Variants in DBT observed in about 807,000 individuals in gnomAD.
DBT encodes the protein dihydrolipoamide branched chain transacylase E2.
DBT carries 40 observed loss-of-function variants against 51.3 expected under a neutral mutation model. That is an observed-to-expected ratio of 0.78 (90% CI 0.61 to 1.02). The LOEUF is 1.02. DBT is among the 50% of genes least tolerant of loss of function. The pLI is 0.00. For synonymous variants in DBT, 181 were observed against 190.4 expected (o/e 0.95, Z 0.41); for missense variants, 510 against 580.2 (o/e 0.88, Z 1.24).
chr1:100,218,737 T>A lies in DBT; in HGVS notation c.444A>T (p.Glu148Asp), dbSNP rs1434863872. ...ACACTGCAGGAGTTTCAACAACATC[T>A]TCTTCTGAATCTGGTAACAAGGTAA... ...IETEALKDSE[E>D]DVVETPAVSH... The change falls in exon 5 of 11, where the codon GAA becomes GAT. Residue 148 changes from glutamate (E) to aspartate (D), a missense_variant. By Grantham distance (45) the Glu-to-Asp change is conservative. Transcript: ENST00000370132. The A allele has an allele frequency of 1.9e-6, 3 of 1,613,806 alleles. No individual in the cohort carries two copies. Among genetic ancestry groups the A allele is most frequent in the African/African-American group, 2.7e-5 (2 of 74,918 alleles).
At chr1:100,206,733 A>C (rs1661814740) in intron 8 of DBT, 97 bp from the exon 9 acceptor site, 6 of 775,376 alleles carry the variant, frequency 7.7e-6, no homozygotes, top group Non-Finnish European at 1.4e-5. Flanking sequence ...CACTACCAAA[A>C]CTCATTTTTA....
intron 1 of DBT, among the ~76,000 whole-genome samples, chr1:100,247,717 A>AAC (rs1553233676): frequency 6.8e-6 from 1 of 146,156 alleles, no homozygotes. Flanking sequence ...AAAAAAAAAA[A>AAC]TTAAGAGAAA....
chr1:100,203,817 A>G (rs1661592871), intron 10 of DBT, among the ~76,000 whole-genome samples: 2 of 152,232 alleles, frequency 1.3e-5, no homozygotes, highest in Non-Finnish European at 1.5e-5. Flanking sequence ...CAATAAACAT[A>G]ATCCATCACA....
At chr1:100,204,760 T>C (rs575751958) in intron 10 of DBT, among the ~76,000 whole-genome samples, 2 of 152,138 alleles carry the variant, frequency 1.3e-5, no homozygotes, top group Admixed American at 6.5e-5. Flanking sequence ...AACAGAGAGA[T>C]AGACCAATGG....
chr1:100,227,983 T>C (rs1158535492), intron 4 of DBT, among the ~76,000 whole-genome samples: 1 of 152,038 alleles, frequency 6.6e-6, no homozygotes, highest in Non-Finnish European at 1.5e-5. Context: ...GTAGGTGAGA[T>C]TACAGGCATG....
Position 100,193,598 on chromosome 1 carries a change from C to CATTTATTT in DBT, c.*2649_*2656dup, listed in dbSNP as rs773873766. 3.9e-5 allele frequency: 6 copies of CATTTATTT among 151,976 alleles called. No individual in the cohort carries two copies. Among genetic ancestry groups the CATTTATTT allele is most frequent in the East Asian group, 1.9e-4 (1 of 5,178 alleles). The allele number at this position is 151,976 out of a possible 1,614,324, so 9.4% of individuals were successfully genotyped here. On this transcript the variant is annotated 3_prime_UTR_variant, in exon 11 of 11. Transcript: ENST00000370132. ...TGCATACAATGGAATACTATGCAGA[C>CATTTATTT]ATTTATTTATTTATTTATTTATTTA...
At chr1:100,241,970 G>A (rs1050401393) in intron 1 of DBT, among the ~76,000 whole-genome samples, 39 of 151,994 alleles carry the variant, frequency 2.6e-4, no homozygotes, top group African/African-American at 8.4e-4. Context: ...GCAGTGAGCC[G>A]GGATCGAGCC....
intron 7 of DBT, 174 bp from the exon 8 acceptor site, chr1:100,210,945 G>A (rs1662103364): frequency 2.4e-6 from 3 of 1,258,830 alleles, no homozygotes; most frequent in Admixed American, 2.2e-5. Context: ...TTCAGGCCAT[G>A]TGGAACTAGG....
intron 4 of DBT, among the ~76,000 whole-genome samples, chr1:100,227,923 A>G (rs1476774767): frequency 6.6e-6 from 1 of 152,090 alleles, no homozygotes; most frequent in Admixed American, 6.5e-5. Context: ...ATCTTGGCTC[A>G]CCACAACCTC....
Position 100,188,163 on chromosome 1 carries a change from G to A in DBT, c.*8092C>T, listed in dbSNP as rs562407353. On this transcript the variant is annotated 3_prime_UTR_variant, in exon 11 of 11. Coordinates refer to ENST00000370132, the MANE Select transcript of DBT (RefSeq NM_001918.5). ...ATTTGTGAAACCTTTGGTTTGCAGA[G>A]TTGTTAGCGTAGTGGCTCGGCTCAT... 6.6e-6 allele frequency: 1 copy of A among 152,352 alleles called. No individual in the cohort carries two copies. Among genetic ancestry groups the A allele is most frequent in the East Asian group, 1.9e-4 (1 of 5,190 alleles). 9.4% of individuals were successfully genotyped at this position (152,352 alleles called of 1,614,324 possible).
At position 100,191,216 on chromosome 1, in the gene DBT, T is replaced by C. The variant is rs1660789659; in HGVS notation, c.*5039A>G. On this transcript the variant is annotated 3_prime_UTR_variant, in exon 11 of 11. Transcript: ENST00000370132. ...AATAGAGAATACTGAAGTTAGTAAT[T>C]CACATTTTGACAGCATCAGTTGAAC... 1 of 152,228 alleles carries C rather than the reference T, an allele frequency of 6.6e-6. No individual in the cohort carries two copies. The highest frequency in any genetic ancestry group is 1.5e-5 in the Non-Finnish European group (1 of 68,040). The allele number at this position is 152,228 out of a possible 1,614,324, so 9.4% of individuals were successfully genotyped here.
At chr1:100,213,659 A>C in intron 7 of DBT, 5 of 1,610,834 alleles carry the variant, frequency 3.1e-6, no homozygotes, top group Non-Finnish European at 4.2e-6. Flanking sequence ...CTGTGGAGCC[A>C]CCTTCGCTTA....
At chr1:100,210,613 A>AC (rs2100788109) in intron 8 of DBT, 81 bp downstream of exon 8, 4 of 1,586,824 alleles carry the variant, frequency 2.5e-6, no homozygotes, top group Non-Finnish European at 2.6e-6. Flanking sequence ...TATTTGAGGT[A>AC]CAATAGAAGT....
At chr1:100,249,511 A>G (rs1382507355) in intron 1 of DBT, among the ~76,000 whole-genome samples, 1 of 152,186 alleles carries the variant, frequency 6.6e-6, no homozygotes, top group Non-Finnish European at 1.5e-5. Context: ...ATAAAACGCT[A>G]GCTGGGCCTC....
At chr1:100,208,670 G>C (rs193002401) in intron 8 of DBT, among the ~76,000 whole-genome samples, 1 of 151,920 alleles carries the variant, frequency 6.6e-6, no homozygotes, top group East Asian at 1.9e-4. Context: ...GGCTGAGGTG[G>C]GTGGATCACT....
At chr1:100,236,068 C>A (rs1177284016) in intron 2 of DBT, among the ~76,000 whole-genome samples, 1 of 151,930 alleles carries the variant, frequency 6.6e-6, no homozygotes, top group Non-Finnish European at 1.5e-5. Flanking sequence ...TTTTCTACCC[C>A]TTTTCAAATT....
At chr1:100,204,913 C>T (rs895880106) in intron 10 of DBT, among the ~76,000 whole-genome samples, 2 of 152,164 alleles carry the variant, frequency 1.3e-5, no homozygotes, top group African/African-American at 4.8e-5. Context: ...ATGCAGAAAA[C>T]TGAAACTGGA....
chr1:100,213,222 C>A, intron 7 of DBT: 1 of 882,116 alleles, frequency 1.1e-6, no homozygotes, highest in Non-Finnish European at 1.5e-6. Flanking sequence ...GCGTCTGCCT[C>A]AGAGGGGCCC....
chr1:100,203,592 T>C (rs1055490671), intron 10 of DBT, among the ~76,000 whole-genome samples: 2 of 152,198 alleles, frequency 1.3e-5, no homozygotes, highest in African/African-American at 4.8e-5. Context: ...CCTCCCTAAC[T>C]CATTTTATGA....
Sources: gnomAD v4.1 joint callset for allele counts (sites outside exome capture counted in the v4.1 genomes callset) on GRCh38, gnomAD v4.1.1 for gene constraint, MANE v1.5 for transcripts, NCBI Gene and HGNC (gene_info 2026-07-23, HGNC 2026-07-21) for gene names.